The following PRELID2 variants were observed in gnomAD, a reference collection of about 807,000 sequenced individuals.
The protein encoded by PRELID2 is PRELI domain containing 2.
Under a neutral mutation model 28.4 loss-of-function variants are expected in PRELID2, and 25 were observed. The observed-to-expected ratio is 0.88, with a 90% confidence interval of 0.64 to 1.23. PRELID2 has a LOEUF of 1.23. Ranked by LOEUF, PRELID2 falls within the 50% of genes most tolerant of loss-of-function variation. The probability of loss-of-function intolerance (pLI) is 0.00; values close to 1 mark genes in which losing one functional copy is unlikely to be tolerated. For synonymous variants in PRELID2, 76 were observed against 71.6 expected, an observed-to-expected ratio of 1.06 and a Z score of -0.31; for missense variants, 201 against 214.4, an observed-to-expected ratio of 0.94 and a Z score of 0.39.
At chr5:145,295,731 T>G in the PRELID2 span, among the ~76,000 whole-genome samples, 1 of 152,212 alleles carries the variant, frequency 6.6e-6, no homozygotes. Context: ...TATGTTCATG[T>G]AGCGAATTGA....
chr5:145,733,674 CT>C (rs1756413131), intron 1 of PRELID2, among the ~76,000 whole-genome samples: 1 of 152,132 alleles, frequency 6.6e-6, no homozygotes, highest in African/African-American at 2.4e-5. Context: ...CAAAAGCAAT[CT>C]TTTTTCAATT....
chr5:145,641,205 G>T (rs551530849), intron 1 of PRELID2, among the ~76,000 whole-genome samples: 1 of 151,818 alleles, frequency 6.6e-6, no homozygotes, highest in Non-Finnish European at 1.5e-5. Context: ...CCATCAATAA[G>T]TTAAAACATA....
At chr5:145,725,647 T>C (rs1756125289) in intron 1 of PRELID2, among the ~76,000 whole-genome samples, 1 of 152,172 alleles carries the variant, frequency 6.6e-6, no homozygotes, top group Non-Finnish European at 1.5e-5. Flanking sequence ...GACATCAGTG[T>C]AGGGAGGGTG....
At chr5:145,628,786 A>G (rs1399571380) in intron 1 of PRELID2, among the ~76,000 whole-genome samples, 1 of 152,222 alleles carries the variant, frequency 6.6e-6, no homozygotes, top group Non-Finnish European at 1.5e-5. Flanking sequence ...CAAGAGAACC[A>G]TGATATAAAT....
At chr5:145,723,484 TA>T (rs1266494667) in intron 1 of PRELID2, among the ~76,000 whole-genome samples, 1 of 152,192 alleles carries the variant, frequency 6.6e-6, no homozygotes, top group Non-Finnish European at 1.5e-5. Context: ...ATCTTTAATA[TA>T]TTTAACAACT....
At chr5:145,767,392 C>T (rs2149774936) in intron 5 of PRELID2, among the ~76,000 whole-genome samples, 1 of 152,280 alleles carries the variant, frequency 6.6e-6, no homozygotes, top group East Asian at 1.9e-4. Flanking sequence ...TCCACATTCA[C>T]CACCCTTCAA....
the PRELID2 span, among the ~76,000 whole-genome samples, chr5:145,248,537 A>G: frequency 8.5e-5 from 13 of 152,076 alleles, no homozygotes; most frequent in African/African-American, 3.1e-4. Context: ...GCTCACACCT[A>G]TAATCCCAGC....
rs142038306 is a variant in PRELID2 at position 145,580,162 on chromosome 5, C to T, written n.71-106847G>A. ...GAATCTGTTACAGTAACTTGTGTTGCCTTAACTAATATAGGTGGCAAGGCC... is the reference window on the plus strand; with the variant it reads ...GAATCTGTTACAGTAACTTGTGTTGTCTTAACTAATATAGGTGGCAAGGCC... On this transcript the variant is annotated intron_variant and non_coding_transcript_variant, in intron 1 of 2. Transcript: ENST00000510259. 1.6e-3 allele frequency among the ~76,000 whole-genome samples: 250 copies of T among 152,114 alleles called. 1 individual carries two copies. Among genetic ancestry groups the T allele is most frequent in the Middle Eastern group, 6.8e-3 (2 of 294 alleles).
the PRELID2 span, among the ~76,000 whole-genome samples, chr5:145,434,918 A>G: frequency 6.6e-6 from 1 of 152,202 alleles, no homozygotes. Context: ...CTCAGGTTCA[A>G]TCCCTGGCTC....
chr5:145,438,720 T>C, the PRELID2 span, among the ~76,000 whole-genome samples: 1 of 152,152 alleles, frequency 6.6e-6, no homozygotes, highest in African/African-American at 2.4e-5. Context: ...TTCCACCTGC[T>C]CTCGGAAACC....
intron 1 of PRELID2, among the ~76,000 whole-genome samples, chr5:145,658,443 C>T (rs1754432701): frequency 6.6e-6 from 1 of 152,226 alleles, no homozygotes; most frequent in African/African-American, 2.4e-5. Flanking sequence ...AATGTGATTC[C>T]CAGTTTTGGA....
the PRELID2 span, among the ~76,000 whole-genome samples, chr5:145,331,589 C>T: frequency 6.6e-6 from 1 of 152,208 alleles, no homozygotes; most frequent in East Asian, 1.9e-4. Flanking sequence ...ACTAGGATTA[C>T]AACCCCTCCT....
the PRELID2 span, among the ~76,000 whole-genome samples, chr5:145,308,239 T>C: frequency 6.6e-6 from 1 of 152,180 alleles, no homozygotes; most frequent in South Asian, 2.1e-4. Flanking sequence ...TGCACATATA[T>C]ATCCTGTCCA....
intron 1 of PRELID2, among the ~76,000 whole-genome samples, chr5:145,833,880 C>T (rs1755765528): frequency 6.6e-6 from 1 of 152,248 alleles, no homozygotes; most frequent in South Asian, 2.1e-4. Context: ...TCATCTGGTA[C>T]AACCCCTTCA....
chr5:145,600,585 CT>C (rs1179291648), intron 1 of PRELID2, among the ~76,000 whole-genome samples: 1 of 151,758 alleles, frequency 6.6e-6, no homozygotes, highest in East Asian at 1.9e-4. Flanking sequence ...CAGTAGCACT[CT>C]TTGGCTTTTA....
intron 5 of PRELID2, among the ~76,000 whole-genome samples, chr5:145,779,340 G>A (rs1162276084): frequency 6.6e-6 from 1 of 151,860 alleles, no homozygotes; most frequent in East Asian, 1.9e-4. Flanking sequence ...CTAAGGCAAT[G>A]GTACAAAAAT....
intron 1 of PRELID2, among the ~76,000 whole-genome samples, chr5:145,688,378 T>G (rs1304433759): frequency 6.6e-6 from 1 of 152,190 alleles, no homozygotes; most frequent in Non-Finnish European, 1.5e-5. Context: ...TTGTCCTTAC[T>G]TCATAAAAGT....
chr5:145,243,450 G>A, the PRELID2 span, among the ~76,000 whole-genome samples: 7 of 151,894 alleles, frequency 4.6e-5, no homozygotes, highest in Non-Finnish European at 1.0e-4. Context: ...AAAAGGAAAA[G>A]GAGAGCAAAA....
intron 1 of PRELID2, among the ~76,000 whole-genome samples, chr5:145,669,369 T>A (rs940681665): frequency 2.0e-5 from 3 of 152,088 alleles, no homozygotes; most frequent in Admixed American, 6.6e-5. Flanking sequence ...TTCTACCATA[T>A]GGTTGGTTTA....
Sources: gnomAD v4.1 joint callset for allele counts (sites outside exome capture counted in the v4.1 genomes callset) on GRCh38, gnomAD v4.1.1 for gene constraint, MANE v1.5 for transcripts, NCBI Gene and HGNC (gene_info 2026-07-23, HGNC 2026-07-21) for gene names.